PCDHGB5: variants seen among roughly 807,000 people sequenced by gnomAD.
The protein encoded by PCDHGB5 is protocadherin gamma-B5.
A neutral mutation model predicts 62.9 loss-of-function variants in PCDHGB5; 48 were observed. The ratio of observed to expected loss-of-function variants is 0.76; its 90% CI spans 0.61 to 0.97. PCDHGB5 has a LOEUF of 0.97. PCDHGB5 is among the 50% of genes least tolerant of loss of function. PCDHGB5 has a pLI of 0.00. For missense variants in PCDHGB5, 1,118 were observed against 1,198.6 expected (o/e 0.93, Z 0.99); for synonymous variants, 474 against 511.2 (o/e 0.93, Z 0.98).
At chr5:141,408,738 C>A in intron 1 of PCDHGB5, 1 of 1,609,632 alleles carries the variant, frequency 6.2e-7, no homozygotes, top group Non-Finnish European at 8.5e-7. Flanking sequence ...CCTTATTTTT[C>A]ATTAATGGTT....
intron 2 of PCDHGB5, among the ~76,000 whole-genome samples, chr5:141,504,238 G>A (rs1043662594): frequency 2.0e-5 from 3 of 152,228 alleles, no homozygotes; most frequent in African/African-American, 7.2e-5. Flanking sequence ...CTAAGAAGCA[G>A]AGAGTTCTTC....
chr5:141,510,252 G>A (rs1342841474), intron 3 of PCDHGB5, among the ~76,000 whole-genome samples: 4 of 148,432 alleles, frequency 2.7e-5, no homozygotes, highest in Admixed American at 1.3e-4. Context: ...CAGGCTGGGC[G>A]ACAGAGCAGG....
chr5:141,462,872 AG>A (rs1254807813), intron 1 of PCDHGB5, among the ~76,000 whole-genome samples: 54 of 152,272 alleles, frequency 3.5e-4, no homozygotes, highest in Middle Eastern at 6.8e-3. Flanking sequence ...TCTTTCTTTA[AG>A]AACTATTGCA....
intron 1 of PCDHGB5, chr5:141,409,624 G>A (rs747166507): frequency 2.5e-6 from 4 of 1,613,846 alleles, no homozygotes; most frequent in Non-Finnish European, 3.4e-6. Flanking sequence ...TTGCGCAAGT[G>A]AGCGCCTCTG....
chr5:141,508,979 G>C (rs1317798009), intron 3 of PCDHGB5, among the ~76,000 whole-genome samples: 1 of 152,110 alleles, frequency 6.6e-6, no homozygotes, highest in Admixed American at 6.5e-5. Context: ...GCTGGGGGTG[G>C]GGGCCAGCTG....
intron 1 of PCDHGB5, chr5:141,413,690 A>G (rs553462819): frequency 6.2e-7 from 1 of 1,613,702 alleles, no homozygotes; most frequent in Non-Finnish European, 8.5e-7. Flanking sequence ...AACTCCCTGC[A>G]GAGCTATCAG....
Position 141,489,601 on chromosome 5 carries a change from G to A in PCDHGB5, c.2398-5206G>A. On this transcript the variant is annotated intron_variant, in intron 1 of 3. Transcript: ENST00000617380. This position sits in a 1 kb window ranked among gnomAD's most constrained non-coding sequence, Gnocchi z 4.5. ...CCCCCTGGAGCTAATCCGTGTAGAG[G>A]TAGAGATCCTGGATCTCAATGACAA... 2 of 1,614,042 alleles carry A rather than the reference G, an allele frequency of 1.2e-6. No individual in the cohort carries two copies. Among genetic ancestry groups the A allele is most frequent in the East Asian group, 4.5e-5 (2 of 44,882 alleles).
chr5:141,485,865 C>A lies in PCDHGB5; in HGVS notation c.2398-8942C>A. ...TCTGGCACCGCAGAGCTCCGGGTAT[C>A]CGTGCTGGACGTAAACGACAACGCC... On this transcript the variant is annotated intron_variant, in intron 1 of 3. Transcript: ENST00000617380. The surrounding 1 kb of genome is among the most constrained non-coding windows in gnomAD (Gnocchi z 5.7). 1 of 1,614,182 alleles carries A rather than the reference C, an allele frequency of 6.2e-7. No homozygotes were observed. The highest frequency in any genetic ancestry group is 8.5e-7 in the Non-Finnish European group (1 of 1,180,034).
chr5:141,471,972 T>C (rs952480654), intron 1 of PCDHGB5, among the ~76,000 whole-genome samples: 1 of 152,212 alleles, frequency 6.6e-6, no homozygotes, highest in South Asian at 2.1e-4. Context: ...GTTGCATTAC[T>C]GTATAAATTT....
chr5:141,465,021 C>A (rs974818222), intron 1 of PCDHGB5, among the ~76,000 whole-genome samples: 1 of 152,100 alleles, frequency 6.6e-6, no homozygotes, highest in Non-Finnish European at 1.5e-5. Flanking sequence ...AGATTACAGC[C>A]ATGAACCACC....
Position 141,432,492 on chromosome 5 carries a change from C to A in PCDHGB5, c.2397+31968C>A. On this transcript the variant is annotated intron_variant, in intron 1 of 3. Transcript: ENST00000617380. The surrounding 1 kb of genome is among the most constrained non-coding windows in gnomAD (Gnocchi z 6.0). ...GACGGTTCCACTGGCGTGGAGCTGG[C>A]TCCCCGCTCCGCAGAGCCCGGCTAC... 6.2e-7 allele frequency: 1 copy of A among 1,614,168 alleles called. No individual in the cohort carries two copies. Among genetic ancestry groups the A allele is most frequent in the Admixed American group, 1.7e-5 (1 of 60,034 alleles).
Position 141,489,398 on chromosome 5 carries a change from G to A in PCDHGB5, c.2398-5409G>A, listed in dbSNP as rs2099686644. On this transcript the variant is annotated intron_variant, in intron 1 of 3. Transcript: ENST00000617380. This position sits in a 1 kb window ranked among gnomAD's most constrained non-coding sequence, Gnocchi z 4.5. The stretch of plus-strand genomic sequence containing the variant: ...GTGGGGAATGTTGCTCAGGATCTGG[G>A]CTTAAAGATGACAGATCTGTTGAGC... 6.2e-7 allele frequency: 1 copy of A among 1,614,064 alleles called. No homozygotes were observed. The highest frequency in any genetic ancestry group is 1.3e-5 in the African/African-American group (1 of 74,910).
chr5:141,398,575 A>G lies in PCDHGB5; in HGVS notation c.448A>G (p.Thr150Ala). 1 of 1,614,046 alleles carries G rather than the reference A, an allele frequency of 6.2e-7. No individual in the cohort carries two copies. The highest frequency in any genetic ancestry group is 1.1e-5 in the South Asian group (1 of 91,082). ...LQISESAQPGTRFILEVAEDA... is the reference protein window; with the variant it reads ...LQISESAQPGARFILEVAEDA... ...AATAAGTGAGTCTGCACAGCCTGGC[A>G]CAAGATTTATACTAGAAGTAGCAGA... is the stretch of plus-strand genomic sequence containing the variant. The change falls in exon 1 of 4, where the codon ACA (threonine) becomes GCA (alanine). Residue 150 changes from threonine to alanine, a missense_variant. Physicochemically the swap from Thr to Ala is moderately conservative, Grantham distance 58. This residue lies in a region of PCDHGB5 where 1,034 missense variants were observed against 1,029.1 expected (regional missense o/e 1.00). Coordinates refer to ENST00000617380, the MANE Select transcript of PCDHGB5 (RefSeq NM_018925.3).
intron 1 of PCDHGB5, chr5:141,427,415 T>G: frequency 2.1e-6 from 1 of 465,414 alleles, no homozygotes; most frequent in Non-Finnish European, 4.3e-6. Context: ...CGAGAGAAAA[T>G]GGGGAGGTTA....
intron 1 of PCDHGB5, chr5:141,403,467 T>G: frequency 6.2e-7 from 1 of 1,614,020 alleles, no homozygotes; most frequent in Non-Finnish European, 8.5e-7. Context: ...AGCTACCAGC[T>G]CAGCCCCAAT....
Position 141,511,410 on chromosome 5 carries a change from T to TA in PCDHGB5, c.*238dup. On this transcript the variant is annotated 3_prime_UTR_variant, in exon 4 of 4. Coordinates refer to ENST00000617380, the MANE Select transcript of PCDHGB5 (RefSeq NM_018925.3). ...GGAACCCCCATCCAATCAACTGCTG[T>TA]ACCCATGGGGGTAGTGGGGTTACTG... The TA allele has an allele frequency of 1.1e-6, 1 of 908,822 alleles. No homozygotes were observed. The highest frequency in any genetic ancestry group is 1.6e-6 in the Non-Finnish European group (1 of 624,204). 56.3% of individuals were successfully genotyped at this position (908,822 alleles called of 1,614,324 possible).
At chr5:141,492,705 C>T (rs2099743225) in intron 1 of PCDHGB5, among the ~76,000 whole-genome samples, 1 of 152,258 alleles carries the variant, frequency 6.6e-6, no homozygotes, top group South Asian at 2.1e-4. Flanking sequence ...ACCCAGAAGC[C>T]TCGAGCAGGC....
At chr5:141,484,966 G>A in intron 1 of PCDHGB5, 1 of 583,968 alleles carries the variant, frequency 1.7e-6, no homozygotes. Context: ...GAGCCCGGGA[G>A]CCGCTGTCTG....
At chr5:141,484,451 T>G (rs2099596635) in intron 1 of PCDHGB5, among the ~76,000 whole-genome samples, 2 of 152,264 alleles carry the variant, frequency 1.3e-5, no homozygotes, top group South Asian at 4.1e-4. Flanking sequence ...TTTAATTGGC[T>G]ACGTTAATGT....
Sources: gnomAD v4.1 joint callset for allele counts (sites outside exome capture counted in the v4.1 genomes callset) on GRCh38, gnomAD v4.1.1 for gene constraint, gnomAD v4.1.1 regional missense constraint, Gnocchi (gnomAD v3.1) non-coding constraint, MANE v1.5 for transcripts, NCBI Gene and HGNC (gene_info 2026-07-23, HGNC 2026-07-21) for gene names.